DCTN4: variants seen among roughly 807,000 people sequenced by gnomAD.
The protein encoded by DCTN4 is dynactin 4 (p62).
A neutral mutation model predicts 62.7 loss-of-function variants in DCTN4; 23 were observed. That is an observed-to-expected ratio of 0.37 (90% CI 0.26 to 0.52). The LOEUF (loss-of-function observed/expected upper bound fraction) is 0.52. DCTN4 is among the 20% of genes least tolerant of loss of function. The pLI, the probability that DCTN4 is intolerant of heterozygous loss-of-function variation, is 0.92. For synonymous variants in DCTN4, 199 were observed against 202.1 expected, an observed-to-expected ratio of 0.98 and a Z score of 0.13; for missense variants, 514 against 580.4, an observed-to-expected ratio of 0.89 and a Z score of 1.18.
chr5:150,753,673 C>T lies in DCTN4; in HGVS notation c.207-16G>A, dbSNP rs745727611. On this transcript the variant is annotated splice_polypyrimidine_tract_variant and intron_variant, in intron 2 of 12. Transcript: ENST00000447998. ...ATTGGCACATCTGTGACATGACAAA[C>T]ACAACCATTCATTCAACAAATATTT... is the stretch of plus-strand genomic sequence containing the variant. 2 of 1,600,148 alleles carry T rather than the reference C, an allele frequency of 1.2e-6. No homozygotes were observed. The highest frequency in any genetic ancestry group is 1.7e-5 in the Admixed American group (1 of 58,494).
chr5:150,733,429 TTC>T lies in DCTN4; in HGVS notation c.474_475del (p.Lys159GlyfsTer2). Reference sequence around the variant, plus strand: ...CAGTTTCTTGCGATCTCGCTCAACCTTCTCTTTCTGAGCAAGCTGCTGGTAAT... The same window carrying T: ...CAGTTTCTTGCGATCTCGCTCAACCTTCTTTCTGAGCAAGCTGCTGGTAAT... On this transcript the variant is annotated frameshift_variant, in exon 5 of 13. Coordinates refer to ENST00000447998, the MANE Select transcript of DCTN4 (RefSeq NM_016221.4). LOFTEE classifies it high-confidence loss of function. 1 of 1,614,108 alleles carries T rather than the reference TTC, an allele frequency of 6.2e-7. No homozygotes were observed. Among genetic ancestry groups the T allele is most frequent in the African/African-American group, 1.3e-5 (1 of 75,048 alleles).
At chr5:150,719,902 G>A (rs1759898009) in intron 9 of DCTN4, 132 bp from the exon 10 acceptor site, 9 of 603,388 alleles carry the variant, frequency 1.5e-5, no homozygotes, top group Non-Finnish European at 2.5e-5. Context: ...TAATTTTAAT[G>A]AACCATATCA....
chr5:150,732,623 T>C (rs760528748), intron 5 of DCTN4, among the ~76,000 whole-genome samples: 1 of 152,222 alleles, frequency 6.6e-6, no homozygotes. Context: ...AAGTAATACA[T>C]GTAAAGTGTT....
chr5:150,748,549 A>C (rs1373331582), intron 3 of DCTN4, among the ~76,000 whole-genome samples: 1 of 149,866 alleles, frequency 6.7e-6, no homozygotes, highest in Non-Finnish European at 1.5e-5. Flanking sequence ...AATGTCCAAC[A>C]ATGATAGACT....
Position 150,710,938 on chromosome 5 carries a change from C to A in DCTN4, c.*211G>T. 1 of 574,818 alleles carries A rather than the reference C, an allele frequency of 1.7e-6. No homozygotes were observed. The highest frequency in any genetic ancestry group is 3.1e-6 in the Non-Finnish European group (1 of 321,194). The allele number at this position is 574,818 out of a possible 1,614,324, so 35.6% of individuals were successfully genotyped here. On this transcript the variant is annotated 3_prime_UTR_variant, in exon 13 of 13. Transcript: ENST00000447998. ...CAGGGTTCAGTGAGGGAGACACAGA[C>A]TTACTGGTGTCAACAGGGGTGAGAG... is the stretch of plus-strand genomic sequence containing the variant.
At chr5:150,719,658 C>T in intron 10 of DCTN4, 58 bp downstream of exon 10, 1 of 1,237,050 alleles carries the variant, frequency 8.1e-7, no homozygotes, top group Admixed American at 1.7e-5. Flanking sequence ...CCCACATACA[C>T]ATGTACACAC....
At chr5:150,721,064 A>T (rs1312630241) in intron 9 of DCTN4, among the ~76,000 whole-genome samples, 1 of 152,140 alleles carries the variant, frequency 6.6e-6, no homozygotes, top group Non-Finnish European at 1.5e-5. Flanking sequence ...CTTTTCAAGA[A>T]TCCCAAGAGG....
intron 3 of DCTN4, among the ~76,000 whole-genome samples, chr5:150,744,320 T>G (rs1760879496): frequency 6.6e-6 from 1 of 151,980 alleles, no homozygotes; most frequent in South Asian, 2.1e-4. Flanking sequence ...CTGATTGGTG[T>G]ACCTGAAAGT....
chr5:150,756,861 A>T (rs766071941), intron 1 of DCTN4, among the ~76,000 whole-genome samples: 3 of 152,192 alleles, frequency 2.0e-5, no homozygotes, highest in Non-Finnish European at 4.4e-5. Context: ...GCTTTATATG[A>T]CTATAAAACT....
chr5:150,737,716 A>T (rs942795417), intron 4 of DCTN4, among the ~76,000 whole-genome samples: 14 of 152,200 alleles, frequency 9.2e-5, no homozygotes, highest in African/African-American at 3.1e-4. Context: ...AGAACCAGAG[A>T]AACAAGAACA....
At chr5:150,749,507 A>G (rs2113134993) in intron 3 of DCTN4, among the ~76,000 whole-genome samples, 1 of 152,290 alleles carries the variant, frequency 6.6e-6, no homozygotes, top group East Asian at 1.9e-4. Flanking sequence ...AAAATTGTTC[A>G]GTCACTTTGG....
chr5:150,742,422 G>C (rs1410180725), intron 3 of DCTN4, among the ~76,000 whole-genome samples: 1 of 152,128 alleles, frequency 6.6e-6, no homozygotes, highest in African/African-American at 2.4e-5. Context: ...AACCCTCTGA[G>C]GTAAGGACTC....
At chr5:150,721,956 C>A (rs1230846239) in intron 9 of DCTN4, among the ~76,000 whole-genome samples, 2 of 152,006 alleles carry the variant, frequency 1.3e-5, no homozygotes, top group Non-Finnish European at 2.9e-5. Flanking sequence ...TCCCAAGTAG[C>A]TAGGACTACA....
At chr5:150,717,470 A>G (rs904065585) in intron 11 of DCTN4, among the ~76,000 whole-genome samples, 6 of 151,302 alleles carry the variant, frequency 4.0e-5, no homozygotes, top group African/African-American at 1.5e-4. Context: ...CTGGTCTTGA[A>G]CTCCTGACCT....
chr5:150,712,702 A>G (rs1759613914), intron 12 of DCTN4, among the ~76,000 whole-genome samples: 1 of 152,228 alleles, frequency 6.6e-6, no homozygotes, highest in Admixed American at 6.5e-5. Context: ...TAGCACAAAA[A>G]TGTCTCTTCA....
intron 12 of DCTN4, among the ~76,000 whole-genome samples, chr5:150,713,538 G>T (rs976315773): frequency 1.3e-5 from 2 of 151,180 alleles, no homozygotes; most frequent in Admixed American, 6.6e-5. Flanking sequence ...CCGCCCCTAG[G>T]GTTCAAGTGA....
intron 1 of DCTN4, chr5:150,758,462 C>A (rs1186382703): frequency 6.0e-6 from 6 of 993,500 alleles, no homozygotes; most frequent in African/African-American, 1.7e-5. Flanking sequence ...GATGGGAGAA[C>A]TATGAATGAG....
rs1188236107 is a variant in DCTN4, at chr5:150,710,620, T to C, written c.*529A>G. 2.6e-5 allele frequency: 4 copies of C among 155,164 alleles called. No homozygotes were observed. The highest frequency in any genetic ancestry group is 1.4e-5 in the Non-Finnish European group (1 of 69,688). The allele number at this position is 155,164 out of a possible 1,614,324, so 9.6% of individuals were successfully genotyped here. A position where few individuals can be genotyped will look rare whatever the true frequency, so the allele number is the denominator to read the frequency against. On this transcript the variant is annotated 3_prime_UTR_variant, in exon 13 of 13. Coordinates refer to ENST00000447998, the MANE Select transcript of DCTN4 (RefSeq NM_016221.4). Reference sequence around the variant, plus strand: ...GTGACAATTCAGTTTTTCAGTTATATGGAAATCTATGGCAAAATGGCAGCC... The same window carrying C: ...GTGACAATTCAGTTTTTCAGTTATACGGAAATCTATGGCAAAATGGCAGCC...
chr5:150,753,721 A>C (rs1752759694), intron 2 of DCTN4, 64 bp from the exon 3 acceptor site: 1 of 1,497,002 alleles, frequency 6.7e-7, no homozygotes, highest in South Asian at 1.3e-5. Flanking sequence ...AAGAGAGAAC[A>C]AATATAAGGA....
Sources: allele counts gnomAD v4.1 joint callset (sites outside exome capture counted in the v4.1 genomes callset), GRCh38; gene constraint gnomAD v4.1.1; transcripts MANE v1.5; gene names NCBI Gene and HGNC (gene_info 2026-07-23, HGNC 2026-07-21).